The following MAPK4 variants were observed in gnomAD, a reference collection of about 807,000 sequenced individuals.
The protein encoded by MAPK4 is mitogen-activated protein kinase 4, also known as Erk3-related.
MAPK4 carries 22 observed loss-of-function variants against 47.7 expected under a neutral mutation model. The ratio of observed to expected loss-of-function variants is 0.46; its 90% CI spans 0.33 to 0.66. The LOEUF (loss-of-function observed/expected upper bound fraction) is 0.66. Among genes scored for constraint, MAPK4 ranks in the 30% least tolerant of loss-of-function variants. The pLI, the probability that MAPK4 is intolerant of heterozygous loss-of-function variation, is 0.02. For missense variants in MAPK4, 736 were observed against 831.7 expected (o/e 0.88, Z 1.42); for synonymous variants, 390 against 365.7 (o/e 1.07, Z -0.76).
At chr18:50,570,709 G>A (rs1225643311) in intron 1 of MAPK4, among the ~76,000 whole-genome samples, 1 of 152,146 alleles carries the variant, frequency 6.6e-6, no homozygotes, top group Non-Finnish European at 1.5e-5. Flanking sequence ...CTTTTAGAAT[G>A]CTTTTCTGCA....
At chr18:50,605,392 G>A (rs2149374476) in intron 1 of MAPK4, among the ~76,000 whole-genome samples, 1 of 152,280 alleles carries the variant, frequency 6.6e-6, no homozygotes, top group South Asian at 2.1e-4. Flanking sequence ...CAAAGATTTG[G>A]ATCCATTTGG....
intron 1 of MAPK4, among the ~76,000 whole-genome samples, chr18:50,639,780 A>G (rs558190308): frequency 6.6e-6 from 1 of 152,308 alleles, no homozygotes; most frequent in South Asian, 2.1e-4. Context: ...TCCTTGTTGG[A>G]CATTGGGATG....
intron 1 of MAPK4, 136 bp downstream of exon 1, chr18:50,560,379 C>T (rs1488447201): frequency 6.6e-6 from 1 of 152,184 alleles, no homozygotes; most frequent in African/African-American, 2.4e-5. Context: ...ACAATAAGCC[C>T]CCCAGGCCAA....
intron 1 of MAPK4, among the ~76,000 whole-genome samples, chr18:50,653,640 C>G (rs576340256): frequency 6.6e-6 from 1 of 152,190 alleles, no homozygotes; most frequent in Non-Finnish European, 1.5e-5. Context: ...TGGAAGGAAG[C>G]GGAGGAGAAT....
In MAPK4 at chr18:50,671,703, A is replaced by G. The variant is rs1161044134; in HGVS notation, c.546+7199A>G. Among the ~76,000 whole-genome samples, 3 of 152,054 alleles carry G rather than the reference A, an allele frequency of 2.0e-5. No homozygotes were observed. The East Asian group carries it at 5.8e-4, about 29-fold the overall frequency. ...AAGGAGTTTGAGACCAGCCTGGGCA[A>G]CAGCGAGACCCCCATGTCTACAAAA... On this transcript the variant is annotated intron_variant, in intron 2 of 5. Coordinates refer to ENST00000400384, the MANE Select transcript of MAPK4 (RefSeq NM_002747.4).
At chr18:50,693,124 TG>T (rs534821341) in intron 2 of MAPK4, among the ~76,000 whole-genome samples, 3 of 152,166 alleles carry the variant, frequency 2.0e-5, no homozygotes, top group African/African-American at 7.2e-5. Flanking sequence ...CCTGGCATGG[TG>T]GCGCATGCCT....
intron 4 of MAPK4, among the ~76,000 whole-genome samples, chr18:50,724,358 T>A (rs769933114): frequency 6.6e-6 from 1 of 152,206 alleles, no homozygotes; most frequent in Non-Finnish European, 1.5e-5. Context: ...GTGGTACTCA[T>A]CTTTTTTAAA....
intron 2 of MAPK4, among the ~76,000 whole-genome samples, chr18:50,696,539 T>C (rs1909522021): frequency 6.6e-6 from 1 of 152,090 alleles, no homozygotes; most frequent in South Asian, 2.1e-4. Flanking sequence ...AAATGAAAAA[T>C]GCAGCAGAAC....
chr18:50,674,225 G>A (rs1908129635), intron 2 of MAPK4, among the ~76,000 whole-genome samples: 1 of 152,186 alleles, frequency 6.6e-6, no homozygotes, highest in South Asian at 2.1e-4. Context: ...CTCAGGAACA[G>A]GACACTGTCT....
chr18:50,692,207 A>C (rs1318351658), intron 2 of MAPK4, among the ~76,000 whole-genome samples: 3 of 152,226 alleles, frequency 2.0e-5, no homozygotes, highest in Non-Finnish European at 4.4e-5. Context: ...CAGAAGCCAC[A>C]CTGCCTCACT....
intron 1 of MAPK4, among the ~76,000 whole-genome samples, chr18:50,614,652 A>T (rs555989607): frequency 1.3e-5 from 2 of 152,338 alleles, no homozygotes; most frequent in South Asian, 2.1e-4. Context: ...TAAAAATTTT[A>T]AAAAATCAGT....
chr18:50,686,431 C>T (rs1908883493), intron 2 of MAPK4, among the ~76,000 whole-genome samples: 1 of 152,228 alleles, frequency 6.6e-6, no homozygotes, highest in Non-Finnish European at 1.5e-5. Flanking sequence ...TAAACTGCTT[C>T]CTAAAAAGCA....
chr18:50,644,755 T>A (rs9947292), intron 1 of MAPK4, among the ~76,000 whole-genome samples: 3,573 of 152,182 alleles, frequency 0.023, 139 homozygotes, highest in African/African-American at 0.081. Flanking sequence ...ATCCTCAATG[T>A]GAGTGCTAAC....
intron 2 of MAPK4, among the ~76,000 whole-genome samples, chr18:50,710,821 A>G (rs950252111): frequency 8.3e-6 from 1 of 121,092 alleles, no homozygotes; most frequent in South Asian, 2.9e-4. Flanking sequence ...ATAAATAAAT[A>G]AATAAATTCA....
At chr18:50,662,064 C>T (rs576340489) in intron 1 of MAPK4, among the ~76,000 whole-genome samples, 10 of 152,304 alleles carry the variant, frequency 6.6e-5, no homozygotes, top group African/African-American at 2.4e-4. Context: ...AGTTGACTAT[C>T]GTTTTTGCTT....
chr18:50,699,826 T>G (rs1055035703), intron 2 of MAPK4, among the ~76,000 whole-genome samples: 1 of 152,152 alleles, frequency 6.6e-6, no homozygotes, highest in Non-Finnish European at 1.5e-5. Context: ...TTTGTTATTA[T>G]AGTTTTATTA....
chr18:50,633,606 T>C, intron 1 of MAPK4, among the ~76,000 whole-genome samples: 1 of 152,230 alleles, frequency 6.6e-6, no homozygotes, highest in East Asian at 1.9e-4. Flanking sequence ...TTGGGCTGGC[T>C]GCTGCCAGAT....
At chr18:50,677,294 G>C (rs1017598015) in intron 2 of MAPK4, among the ~76,000 whole-genome samples, 1 of 152,176 alleles carries the variant, frequency 6.6e-6, no homozygotes, top group Non-Finnish European at 1.5e-5. Context: ...ACAATGGTTC[G>C]ACAAGGCATA....
chr18:50,574,118 C>T (rs1435159742), intron 1 of MAPK4, among the ~76,000 whole-genome samples: 4 of 152,168 alleles, frequency 2.6e-5, no homozygotes, highest in African/African-American at 9.7e-5. Context: ...GCTGCCTCCT[C>T]TCTGGTTTTG....
Sources: allele counts gnomAD v4.1 joint callset (sites outside exome capture counted in the v4.1 genomes callset), GRCh38; gene constraint gnomAD v4.1.1; transcripts MANE v1.5; gene names NCBI Gene and HGNC (gene_info 2026-07-23, HGNC 2026-07-21).